Variants in SVOP observed in about 807,000 individuals in gnomAD.
SVOP encodes the protein SV2 related protein.
Under a neutral mutation model 69.1 loss-of-function variants are expected in SVOP, and 17 were observed. The observed-to-expected ratio is 0.25, with a 90% confidence interval of 0.17 to 0.37. The LOEUF is 0.37. Ranked by LOEUF, SVOP falls within the 10% of genes least tolerant of loss-of-function variation. The pLI, the probability that SVOP is intolerant of heterozygous loss-of-function variation, is 1.00. For synonymous variants in SVOP, 238 were observed against 238.6 expected, an observed-to-expected ratio of 1.00 and a Z score of 0.02; for missense variants, 435 against 597.5, an observed-to-expected ratio of 0.73 and a Z score of 2.84.
chr12:108,971,291 T>C (rs992740113), intron 5 of SVOP, among the ~76,000 whole-genome samples: 3 of 152,004 alleles, frequency 2.0e-5, no homozygotes, highest in African/African-American at 7.2e-5. Flanking sequence ...TAGCCAGGCT[T>C]GGTGGCAGGT....
chr12:108,948,969 C>T (rs952638127), intron 6 of SVOP, among the ~76,000 whole-genome samples: 9 of 152,072 alleles, frequency 5.9e-5, no homozygotes, highest in South Asian at 2.1e-4. Flanking sequence ...TTTACCAAAT[C>T]GAAGTCAAAC....
In SVOP at chr12:108,912,425, A is replaced by C. The variant is rs1049299726; in HGVS notation, c.*110T>G. On this transcript the variant is annotated 3_prime_UTR_variant, in exon 16 of 16. Transcript: ENST00000610966. ...ACAAAACCCTGTTGGTCCAGGTCAT[A>C]CTCTTGGGTGAGTTCTTGATGTCGG... The C allele has an allele frequency of 6.4e-7, 1 of 1,556,894 alleles. No individual in the cohort carries two copies. Among genetic ancestry groups the C allele is most frequent in the African/African-American group, 1.4e-5 (1 of 73,608 alleles).
intron 1 of SVOP, among the ~76,000 whole-genome samples, chr12:109,001,469 A>T (rs1273702011): frequency 1.3e-5 from 2 of 150,266 alleles, no homozygotes; most frequent in African/African-American, 4.9e-5. Context: ...TTTAAAGTTC[A>T]TATGGAACCA....
chr12:108,951,866 G>A (rs141908969), intron 6 of SVOP, among the ~76,000 whole-genome samples: 1 of 152,210 alleles, frequency 6.6e-6, no homozygotes, highest in Non-Finnish European at 1.5e-5. Flanking sequence ...TATGACTGCA[G>A]CACATCCCAT....
intron 5 of SVOP, among the ~76,000 whole-genome samples, chr12:108,967,827 C>T (rs1035909768): frequency 2.6e-5 from 4 of 152,182 alleles, no homozygotes; most frequent in Admixed American, 6.5e-5. Context: ...TAGCCCTGAA[C>T]TGAGAACTAC....
chr12:108,997,387 G>A (rs2135616695), intron 1 of SVOP, among the ~76,000 whole-genome samples: 1 of 150,842 alleles, frequency 6.6e-6, no homozygotes, highest in East Asian at 2.0e-4. Flanking sequence ...CTGGGGGAGG[G>A]GCGCCCGCCA....
intron 11 of SVOP, among the ~76,000 whole-genome samples, 188 bp downstream of exon 11, chr12:108,934,007 G>A (rs1321859340): frequency 6.6e-6 from 1 of 152,178 alleles, no homozygotes; most frequent in Non-Finnish European, 1.5e-5. Flanking sequence ...GACATAAGAT[G>A]TGGCTCCTCT....
At chr12:108,924,506 T>C (rs1188214782) in intron 11 of SVOP, among the ~76,000 whole-genome samples, 1 of 152,082 alleles carries the variant, frequency 6.6e-6, no homozygotes, top group Non-Finnish European at 1.5e-5. Context: ...GGCCAACCCA[T>C]CAGCTGTTCA....
chr12:108,972,214 C>T (rs1254557760), intron 5 of SVOP, among the ~76,000 whole-genome samples, 191 bp downstream of exon 5: 1 of 151,610 alleles, frequency 6.6e-6, no homozygotes, highest in Non-Finnish European at 1.5e-5. Flanking sequence ...AATGTATATG[C>T]GTGGGCCCCA....
chr12:108,984,986 G>A (rs2040159317), intron 1 of SVOP, among the ~76,000 whole-genome samples: 1 of 152,176 alleles, frequency 6.6e-6, no homozygotes, highest in African/African-American at 2.4e-5. Flanking sequence ...CAGCACTTTG[G>A]GAGGCTGAGG....
chr12:109,009,021 G>T (rs2040326053), intron 1 of SVOP, among the ~76,000 whole-genome samples: 1 of 146,418 alleles, frequency 6.8e-6, no homozygotes, highest in Non-Finnish European at 1.5e-5. Flanking sequence ...GAGTGCAGTG[G>T]CATGATATCC....
chr12:108,918,296 C>T (rs1379392581), intron 13 of SVOP, among the ~76,000 whole-genome samples, 172 bp from the exon 14 acceptor site: 1 of 152,152 alleles, frequency 6.6e-6, no homozygotes, highest in Non-Finnish European at 1.5e-5. Context: ...TCTTGACAGT[C>T]CTGCTTTTGT....
chr12:108,989,115 A>C (rs2040183947), intron 1 of SVOP, among the ~76,000 whole-genome samples: 1 of 150,546 alleles, frequency 6.6e-6, no homozygotes, highest in Admixed American at 6.6e-5. Context: ...TGTTGCTCAG[A>C]CTAGAGTGCA....
At chr12:108,943,852 C>CCTTCCTCTT (rs1200502418) in intron 7 of SVOP, among the ~76,000 whole-genome samples, 4 of 145,440 alleles carry the variant, frequency 2.8e-5, no homozygotes, top group African/African-American at 1.0e-4. Flanking sequence ...CCTTCTTCTC[C>CCTTCCTCTT]CTTCCTCTTC....
intron 5 of SVOP, among the ~76,000 whole-genome samples, chr12:108,968,743 T>TG (rs1358649958): frequency 3.5e-5 from 3 of 86,646 alleles, no homozygotes; most frequent in Admixed American, 1.5e-4. Flanking sequence ...ATGTTTGTCT[T>TG]TTGTGTGTGT....
At chr12:108,931,727 G>A (rs575867481) in intron 11 of SVOP, among the ~76,000 whole-genome samples, 2 of 152,098 alleles carry the variant, frequency 1.3e-5, no homozygotes, top group African/African-American at 4.8e-5. Flanking sequence ...CCAGCTACTC[G>A]GGAGGCTGAG....
intron 15 of SVOP, 110 bp from the exon 16 acceptor site, chr12:108,912,851 A>G (rs11114094): frequency 0.071 from 80,320 of 1,129,508 alleles, 6,975 homozygotes; most frequent in Admixed American, 0.37. Flanking sequence ...TCTGCTTGCT[A>G]AAAAGGATCT....
At chr12:108,962,773 T>C (rs567444686) in intron 5 of SVOP, among the ~76,000 whole-genome samples, 1 of 152,212 alleles carries the variant, frequency 6.6e-6, no homozygotes, top group African/African-American at 2.4e-5. Context: ...AAGACTAGCC[T>C]GGCCAACATG....
intron 11 of SVOP, among the ~76,000 whole-genome samples, chr12:108,925,514 T>G (rs1396626739): frequency 1.3e-5 from 2 of 152,226 alleles, no homozygotes; most frequent in East Asian, 3.8e-4. Context: ...GGGATACTTT[T>G]TAAACCTAAG....
Sources: allele counts gnomAD v4.1 joint callset (sites outside exome capture counted in the v4.1 genomes callset), GRCh38; gene constraint gnomAD v4.1.1; transcripts MANE v1.5; gene names NCBI Gene and HGNC (gene_info 2026-07-23, HGNC 2026-07-21).